The following PTCH1 variants were observed in gnomAD, a reference collection of about 807,000 sequenced individuals.
The protein encoded by PTCH1 is protein patched homolog 1.
Under a neutral mutation model 144.6 loss-of-function variants are expected in PTCH1, and 14 were observed. The ratio of observed to expected loss-of-function variants is 0.10; its 90% CI spans 0.06 to 0.15. The LOEUF (loss-of-function observed/expected upper bound fraction) is 0.15. Among genes scored for constraint, PTCH1 ranks in the 10% least tolerant of loss-of-function variants. PTCH1 has a pLI of 1.00. For missense variants in PTCH1, 1,623 were observed against 1,948.3 expected (o/e 0.83, Z 3.14); for synonymous variants, 833 against 793.6 (o/e 1.05, Z -0.83).
Position 95,458,552 on chromosome 9 carries a change from AC to A in PTCH1, c.2888-260del, listed in dbSNP as rs1839172752. On this transcript the variant is annotated intron_variant, in intron 17 of 23. Transcript: ENST00000331920. The surrounding 1 kb of genome is among the most constrained non-coding windows in gnomAD (Gnocchi z 4.7). Reference sequence around the variant, plus strand: ...GTCATTCTTTGTGAGGGGTCTAAAAACTCCAGGCTTACATTTTGGGAACATT... The same window carrying A: ...GTCATTCTTTGTGAGGGGTCTAAAAATCCAGGCTTACATTTTGGGAACATT... Among the ~76,000 whole-genome samples the A allele has an allele frequency of 6.6e-6, 1 of 152,032 alleles. No individual in the cohort carries two copies. The highest frequency in any genetic ancestry group is 2.4e-5 in the African/African-American group (1 of 41,378).
chr9:95,511,890 A>G (rs1046745995), upstream of PTCH1, among the ~76,000 whole-genome samples: 44 of 152,216 alleles, frequency 2.9e-4, no homozygotes, highest in African/African-American at 1.0e-3. Context: ...TTTATATTTC[A>G]AGCTTGCTGG....
At chr9:95,514,650 G>GAGAA (rs1844288826) in intron 1 of PTCH1, 2 of 150,260 alleles carry the variant, frequency 1.3e-5, no homozygotes, top group Non-Finnish European at 2.9e-5. Context: ...GTGTGTGTGA[G>GAGAA]AGAGAGAGAG....
chr9:95,516,844 C>T (rs1001306201), exon 1 of PTCH1: 1 of 1,584,262 alleles, frequency 6.3e-7, no homozygotes, highest in East Asian at 2.3e-5. Flanking sequence ...GGTGGTCTGC[C>T]GCGCCATAGG....
intron 7 of PTCH1, 140 bp from the exon 8 acceptor site, chr9:95,479,287 G>A: frequency 9.1e-7 from 1 of 1,094,194 alleles, no homozygotes; most frequent in Non-Finnish European, 1.4e-6. Context: ...CCATTAAAAT[G>A]GGACCAGGAT....
In PTCH1 at chr9:95,506,619, G is replaced by C; in HGVS notation, c.202-20C>G. 6.3e-7 allele frequency: 1 copy of C among 1,584,496 alleles called. No homozygotes were observed. The highest frequency in any genetic ancestry group is 8.6e-7 in the Non-Finnish European group (1 of 1,164,470). ...CTTCCCCTGGGGACGAAGCAGAAGG[G>C]AGGAGTGAGCGCCGGGGAGTCGCGG... On this transcript the variant is annotated intron_variant, in intron 1 of 23. Coordinates refer to ENST00000331920, the MANE Select transcript of PTCH1 (RefSeq NM_000264.5).
chr9:95,455,530 T>G (rs1023238874), intron 19 of PTCH1, among the ~76,000 whole-genome samples: 1 of 152,252 alleles, frequency 6.6e-6, no homozygotes, highest in Non-Finnish European at 1.5e-5. Context: ...TTGTGATGTT[T>G]TGGATAATTC....
At chr9:95,516,649 C>T (rs769893929) in exon 1 of PTCH1, 1 of 1,612,040 alleles carries the variant, frequency 6.2e-7, no homozygotes, top group Non-Finnish European at 8.5e-7. Flanking sequence ...TCTTTGTCTC[C>T]CCTGTCGTCT....
upstream of PTCH1, among the ~76,000 whole-genome samples, chr9:95,513,305 G>C (rs1844235853): frequency 6.6e-6 from 1 of 152,182 alleles, no homozygotes; most frequent in Non-Finnish European, 1.5e-5. Flanking sequence ...GAGTATAAAT[G>C]AATAAAGGGG....
intron 2 of PTCH1, among the ~76,000 whole-genome samples, chr9:95,491,731 G>A (rs767866053): frequency 6.6e-6 from 1 of 152,158 alleles, no homozygotes; most frequent in Non-Finnish European, 1.5e-5. Flanking sequence ...GAGCACACTA[G>A]ACAGGTTGAG....
intron 16 of PTCH1, among the ~76,000 whole-genome samples, chr9:95,461,242 A>C (rs1839431044): frequency 6.6e-6 from 1 of 152,126 alleles, no homozygotes; most frequent in Admixed American, 6.5e-5. Flanking sequence ...TCCCAAACAG[A>C]AACGGTTATT....
chr9:95,449,754 G>T lies in PTCH1; in HGVS notation c.3549+87C>A. 8.3e-7 allele frequency: 1 copy of T among 1,210,588 alleles called. No individual in the cohort carries two copies. Among genetic ancestry groups the T allele is most frequent in the Non-Finnish European group, 1.2e-6 (1 of 825,964 alleles). 75.0% of individuals were successfully genotyped at this position (1,210,588 alleles called of 1,614,324 possible). A position where few individuals can be genotyped will look rare whatever the true frequency, so the allele number is the denominator to read the frequency against. ...CTGAAGAACCACCAGCAAGTGGGGA[G>T]GCACCTAAGTATCGAAGTGAAGAGC... is the stretch of plus-strand genomic sequence containing the variant. On this transcript the variant is annotated intron_variant, in intron 21 of 23. Transcript: ENST00000331920. The surrounding 1 kb of genome is among the most constrained non-coding windows in gnomAD (Gnocchi z 5.3).
upstream of PTCH1, among the ~76,000 whole-genome samples, chr9:95,509,911 G>A (rs955289382): frequency 5.9e-5 from 9 of 151,602 alleles, no homozygotes; most frequent in Admixed American, 4.6e-4. Flanking sequence ...AAGATAAACA[G>A]AATGGAAAGT....
intron 2 of PTCH1, among the ~76,000 whole-genome samples, chr9:95,496,996 A>C (rs1842838163): frequency 6.6e-6 from 1 of 152,222 alleles, no homozygotes. Context: ...GAGGGAGTCA[A>C]GAAGCCTACA....
At chr9:95,468,630 T>C in intron 14 of PTCH1, 121 bp downstream of exon 14, 7 of 1,359,912 alleles carry the variant, frequency 5.1e-6, no homozygotes, top group South Asian at 3.7e-5. Flanking sequence ...AAATGTATCA[T>C]ACTTAAACGA....
At chr9:95,480,658 CGCCCACTGCATCCACCTTGTAG>C in intron 5 of PTCH1, 70 bp from the exon 6 acceptor site, 6 of 1,481,642 alleles carry the variant, frequency 4.0e-6, no homozygotes, top group Non-Finnish European at 5.6e-6. Flanking sequence ...AACACGGCTG[CGCCCACTGCATCCACCTTGTAG>C]GAGGTTCCTG....
At chr9:95,470,026 C>A (rs1464018812) in intron 12 of PTCH1, 95 bp from the exon 13 acceptor site, 5 of 940,224 alleles carry the variant, frequency 5.3e-6, no homozygotes, top group South Asian at 2.7e-5. Context: ...CAATATTTTT[C>A]TTTCCCTTTC....
intron 2 of PTCH1, among the ~76,000 whole-genome samples, chr9:95,499,265 G>A (rs527769407): frequency 1.3e-5 from 2 of 151,594 alleles, no homozygotes; most frequent in African/African-American, 4.8e-5. Flanking sequence ...ATCAAAGAGT[G>A]TGGTCTTGGA....
At chr9:95,507,569 G>C (rs927632806) in intron 1 of PTCH1, 10 of 451,594 alleles carry the variant, frequency 2.2e-5, no homozygotes, top group Non-Finnish European at 2.6e-5. Flanking sequence ...CTGGAAAACG[G>C]GGGGGATATC....
chr9:95,446,506 G>A, intron 23 of PTCH1, 115 bp from the exon 24 acceptor site: 1 of 475,496 alleles, frequency 2.1e-6, no homozygotes, highest in East Asian at 6.0e-5. Flanking sequence ...CGAGAGTGGG[G>A]TGTGGGCCTG....
Sources: allele counts gnomAD v4.1 joint callset (sites outside exome capture counted in the v4.1 genomes callset), GRCh38; gene constraint gnomAD v4.1.1; non-coding constraint Gnocchi (gnomAD v3.1); transcripts MANE v1.5; gene names NCBI Gene and HGNC (gene_info 2026-07-23, HGNC 2026-07-21).